SPMIP9: variants seen among roughly 807,000 people sequenced by gnomAD.
SPMIP9 encodes sperm microtubule inner protein 9.
At chr2:88,525,509 C>T in the SPMIP9 span, 1 of 960,678 alleles carries the variant, frequency 1.0e-6, no homozygotes, top group Non-Finnish European at 1.7e-6. Flanking sequence ...GGTAGGAGCC[C>T]AGGGAAGATG....
chr2:88,529,025 C>G, the SPMIP9 span: 4 of 1,592,512 alleles, frequency 2.5e-6, no homozygotes, highest in Non-Finnish European at 3.4e-6. Flanking sequence ...TCTCACCCCT[C>G]CATTCATGTG....
chr2:88,526,301 C>T, the SPMIP9 span: 3 of 863,054 alleles, frequency 3.5e-6, no homozygotes, highest in Non-Finnish European at 3.9e-6. Context: ...AATGTCAGGC[C>T]CCAAAGTCGG....
the SPMIP9 span, chr2:88,525,804 T>A: frequency 4.6e-6 from 4 of 864,818 alleles, no homozygotes; most frequent in Non-Finnish European, 7.4e-6. Flanking sequence ...TGGGTTTTTT[T>A]TTTTTTTGGT....
chr2:88,529,049 C>T, the SPMIP9 span: 2 of 1,606,826 alleles, frequency 1.2e-6, no homozygotes, highest in Admixed American at 1.7e-5. Flanking sequence ...TTTGTTTCCA[C>T]AGCAGGCAAA....
chr2:88,529,109 C>A, the SPMIP9 span: 2 of 1,614,064 alleles, frequency 1.2e-6, no homozygotes, highest in Non-Finnish European at 1.7e-6. Flanking sequence ...CATCCCTAAC[C>A]CCAACCCCAA....
At chr2:88,525,754 C>A in the SPMIP9 span, 4 of 1,392,646 alleles carry the variant, frequency 2.9e-6, no homozygotes, top group South Asian at 2.4e-5. Flanking sequence ...CAGGCTCTTT[C>A]TAGAAGCTCA....
At chr2:88,529,476 A>G in the SPMIP9 span, 1 of 1,608,402 alleles carries the variant, frequency 6.2e-7, no homozygotes, top group Admixed American at 1.7e-5. Context: ...TACCAGTAGG[A>G]AGGATGAAAA....
chr2:88,527,050 C>T, the SPMIP9 span, among the ~76,000 whole-genome samples: 204 of 152,296 alleles, frequency 1.3e-3, 1 homozygote, highest in African/African-American at 4.7e-3. Context: ...TAAAATTACA[C>T]TGATAAACAC....
the SPMIP9 span, chr2:88,529,219 G>A: frequency 1.2e-5 from 19 of 1,614,074 alleles, no homozygotes; most frequent in Admixed American, 2.5e-4. Flanking sequence ...AGGCCACGAG[G>A]GAGGACGAGC....
the SPMIP9 span, chr2:88,529,070 C>G: frequency 6.2e-7 from 1 of 1,612,482 alleles, no homozygotes. Flanking sequence ...GCTCGATGCT[C>G]AACTCCGGGA....
At chr2:88,529,067 GCTCAAC>G in the SPMIP9 span, 1 of 1,612,300 alleles carries the variant, frequency 6.2e-7, no homozygotes, top group Non-Finnish European at 8.5e-7. Context: ...AAAGCTCGAT[GCTCAAC>G]TCCGGGACAA....
chr2:88,526,590 C>T, the SPMIP9 span: 2 of 980,158 alleles, frequency 2.0e-6, no homozygotes, highest in South Asian at 2.7e-5. Flanking sequence ...ACATTTGGGC[C>T]CTTGTTAGAA....
chr2:88,525,194 A>G, the SPMIP9 span, among the ~76,000 whole-genome samples: 3 of 152,300 alleles, frequency 2.0e-5, no homozygotes, highest in South Asian at 2.1e-4. Flanking sequence ...TCCTGTGCAT[A>G]TCTGTGCAAC....
At chr2:88,526,489 C>T in the SPMIP9 span, 3 of 1,613,716 alleles carry the variant, frequency 1.9e-6, no homozygotes, top group Admixed American at 5.0e-5. Context: ...CAGGGTCACG[C>T]CGCAAGAGGT....
chr2:88,529,007 C>T, the SPMIP9 span: 1 of 1,565,316 alleles, frequency 6.4e-7, no homozygotes, highest in African/African-American at 1.4e-5. Flanking sequence ...TACATCATCT[C>T]TTGTCTCTCT....
At chr2:88,529,398 G>T in the SPMIP9 span, 1 of 1,614,106 alleles carries the variant, frequency 6.2e-7, no homozygotes, top group African/African-American at 1.3e-5. Flanking sequence ...CTGCCAGGGT[G>T]TCCCTGTCTT....
the SPMIP9 span, chr2:88,526,538 A>T: frequency 6.9e-7 from 1 of 1,457,086 alleles, no homozygotes; most frequent in Non-Finnish European, 9.6e-7. Context: ...TCAACTGCCT[A>T]CTGAAATCCT....
the SPMIP9 span, chr2:88,526,446 C>T: frequency 2.9e-3 from 4,606 of 1,613,930 alleles, 94 homozygotes; most frequent in African/African-American, 0.05. Flanking sequence ...CCCACATGGT[C>T]GACTATCAGC....
chr2:88,526,278 C>T, the SPMIP9 span: 2 of 717,358 alleles, frequency 2.8e-6, no homozygotes, highest in Non-Finnish European at 5.0e-6. Flanking sequence ...ACAGCCAGAT[C>T]ATTTGGGCTC....
Sources: allele counts gnomAD v4.1 joint callset (sites outside exome capture counted in the v4.1 genomes callset), GRCh38; gene constraint gnomAD v4.1.1; transcripts MANE v1.5; gene names NCBI Gene and HGNC (gene_info 2026-07-23, HGNC 2026-07-21).